Variants in ARMH3 observed in about 807,000 individuals in gnomAD.
The protein encoded by ARMH3 is armadillo like helical domain containing 3, also known as armadillo-like helical domain-containing protein 3.
Under a neutral mutation model 99.1 loss-of-function variants are expected in ARMH3, and 60 were observed. That is an observed-to-expected ratio of 0.61 (90% CI 0.49 to 0.75). ARMH3 has a LOEUF of 0.75. Ranked by LOEUF, ARMH3 falls within the 30% of genes least tolerant of loss-of-function variation. The pLI, the probability that ARMH3 is intolerant of heterozygous loss-of-function variation, is 0.00. For synonymous variants in ARMH3, 285 were observed against 292.8 expected (o/e 0.97, Z 0.27); for missense variants, 679 against 843.1 (o/e 0.81, Z 2.41).
intron 24 of ARMH3, among the ~76,000 whole-genome samples, chr10:101,875,293 A>C (rs2067233936): frequency 6.6e-6 from 1 of 151,902 alleles, no homozygotes; most frequent in Admixed American, 6.6e-5. Context: ...AAAACCACAG[A>C]CCTCATCGAG....
intron 23 of ARMH3, among the ~76,000 whole-genome samples, chr10:101,926,365 A>AT (rs917461721): frequency 1.1e-4 from 17 of 151,708 alleles, no homozygotes; most frequent in Non-Finnish European, 1.5e-4. Context: ...TTATTTTTTT[A>AT]TTTTTTGTAT....
At chr10:101,996,887 G>T (rs567541966) in intron 15 of ARMH3, among the ~76,000 whole-genome samples, 35 of 152,196 alleles carry the variant, frequency 2.3e-4, no homozygotes, top group Middle Eastern at 3.4e-3. Context: ...CTATTATAAA[G>T]GTTGAGCAGA....
At chr10:102,016,982 C>G (rs951509243) in intron 8 of ARMH3, among the ~76,000 whole-genome samples, 1 of 152,200 alleles carries the variant, frequency 6.6e-6, no homozygotes, top group Non-Finnish European at 1.5e-5. Flanking sequence ...TCTTTTCTAT[C>G]ACTTTTATTG....
At chr10:101,901,221 T>C (rs1198099445) in intron 23 of ARMH3, among the ~76,000 whole-genome samples, 1 of 147,136 alleles carries the variant, frequency 6.8e-6, no homozygotes, top group Non-Finnish European at 1.5e-5. Flanking sequence ...CCATACTAGA[T>C]AGCAGTGGTC....
rs2066461389 is a variant in ARMH3 at position 101,846,058 on chromosome 10, C to T, written c.*1470G>A. On this transcript the variant is annotated 3_prime_UTR_variant, in exon 26 of 26. Coordinates refer to ENST00000370033, the MANE Select transcript of ARMH3 (RefSeq NM_024541.3). ...GCTGTTGGGAAAGCCTATAGTGGTT[C>T]CATGGAGGCTATCCAAGGGAGGAAC... 6.6e-6 allele frequency: 1 copy of T among 152,162 alleles called. No individual in the cohort carries two copies. The highest frequency in any genetic ancestry group is 1.5e-5 in the Non-Finnish European group (1 of 68,022). The allele number at this position is 152,162 out of a possible 1,614,324, so 9.4% of individuals were successfully genotyped here. A position where few individuals can be genotyped will look rare whatever the true frequency, so the allele number is the denominator to read the frequency against.
At chr10:101,998,890 G>GT (rs1266998248) in intron 15 of ARMH3, among the ~76,000 whole-genome samples, 1 of 152,180 alleles carries the variant, frequency 6.6e-6, no homozygotes, top group Non-Finnish European at 1.5e-5. Context: ...AAAAACCATA[G>GT]TATTTCAGCA....
intron 8 of ARMH3, among the ~76,000 whole-genome samples, chr10:102,018,913 T>G (rs965247776): frequency 6.6e-6 from 1 of 152,040 alleles, no homozygotes. Context: ...GCCAAGATCA[T>G]GCCATTGCAC....
chr10:102,033,424 C>CT (rs370808918), intron 2 of ARMH3, 85 bp from the exon 3 acceptor site: 137,884 of 1,009,818 alleles, frequency 0.14, 2 homozygotes, highest in South Asian at 0.15. Flanking sequence ...CCTTAGTTTT[C>CT]TTTTTTTTTT....
chr10:101,939,790 C>T (rs1844156162), intron 23 of ARMH3, 73 bp downstream of exon 23: 2 of 1,335,270 alleles, frequency 1.5e-6, no homozygotes, highest in East Asian at 2.3e-5. Context: ...GTTCAACACA[C>T]TTTACTTAGA....
chr10:101,879,720 T>C (rs1421329466), intron 24 of ARMH3, among the ~76,000 whole-genome samples: 1 of 152,128 alleles, frequency 6.6e-6, no homozygotes, highest in African/African-American at 2.4e-5. Flanking sequence ...GTTGTTCCTT[T>C]CCTTTTATCT....
chr10:102,024,713 G>A (rs2136173378), intron 6 of ARMH3, among the ~76,000 whole-genome samples: 1 of 152,050 alleles, frequency 6.6e-6, no homozygotes, highest in Middle Eastern at 3.4e-3. Context: ...CAGCTACTTG[G>A]GAGGCTGAGG....
At chr10:101,956,513 G>A in intron 22 of ARMH3, 84 bp downstream of exon 22, 3 of 1,520,844 alleles carry the variant, frequency 2.0e-6, no homozygotes, top group African/African-American at 1.4e-5. Context: ...ACAACTAGAG[G>A]AGAATCTTTC....
chr10:101,856,222 C>T, intron 24 of ARMH3, among the ~76,000 whole-genome samples: 1 of 152,098 alleles, frequency 6.6e-6, no homozygotes, highest in Admixed American at 6.5e-5. Flanking sequence ...AGTTGAACAC[C>T]CTGCTCAACC....
intron 9 of ARMH3, among the ~76,000 whole-genome samples, 174 bp from the exon 10 acceptor site, chr10:102,013,050 T>C (rs41291494): frequency 0.049 from 7,449 of 152,262 alleles, 197 homozygotes; most frequent in Middle Eastern, 0.095. Context: ...GGAAGTTCTT[T>C]GGGAAGACTT....
chr10:101,934,320 G>C (rs79926561), intron 23 of ARMH3, among the ~76,000 whole-genome samples: 4,193 of 152,150 alleles, frequency 0.028, 108 homozygotes, highest in Middle Eastern at 0.048. Context: ...AAGTAAGAAG[G>C]GTGGGTGAGG....
chr10:102,051,889 T>C (rs1590245175), intron 1 of ARMH3, among the ~76,000 whole-genome samples: 1 of 152,212 alleles, frequency 6.6e-6, no homozygotes, highest in East Asian at 1.9e-4. Flanking sequence ...TGACCACCTT[T>C]GGTTCCCTTT....
chr10:102,012,996 C>T lies in ARMH3; in HGVS notation c.727-120G>A, dbSNP rs140685985. The T allele has an allele frequency of 9.5e-5, 72 of 760,908 alleles. No homozygotes were observed. In the African/African-American group the frequency reaches 9.5e-4, roughly 10 times the overall value. 47.1% of individuals were successfully genotyped at this position (760,908 alleles called of 1,614,324 possible). A position where few individuals can be genotyped will look rare whatever the true frequency, so the allele number is the denominator to read the frequency against. ...CCAAGAAGTCCTGCCTGAAAGTTGG[C>T]GACAAGGACAGAAATTCTGAGAGGC... On this transcript the variant is annotated intron_variant, in intron 9 of 25. Coordinates refer to ENST00000370033, the MANE Select transcript of ARMH3 (RefSeq NM_024541.3).
intron 23 of ARMH3, among the ~76,000 whole-genome samples, chr10:101,927,297 A>C (rs1330511418): frequency 6.6e-6 from 1 of 152,228 alleles, no homozygotes; most frequent in Non-Finnish European, 1.5e-5. Flanking sequence ...CTGCTGTCTA[A>C]ATACATATTT....
At chr10:101,874,401 T>C (rs1179788478) in intron 24 of ARMH3, among the ~76,000 whole-genome samples, 1 of 152,184 alleles carries the variant, frequency 6.6e-6, no homozygotes, top group Non-Finnish European at 1.5e-5. Context: ...TTCAGACTGA[T>C]ACATCAGTAA....
Sources: gnomAD v4.1 joint callset for allele counts (sites outside exome capture counted in the v4.1 genomes callset) on GRCh38, gnomAD v4.1.1 for gene constraint, MANE v1.5 for transcripts, NCBI Gene and HGNC (gene_info 2026-07-23, HGNC 2026-07-21) for gene names.